The following LRP2 variants were observed in gnomAD, a reference collection of about 807,000 sequenced individuals.
The protein encoded by LRP2 is LDL receptor related protein 2, also known as low-density lipoprotein receptor-related protein 2.
A neutral mutation model predicts 531.0 loss-of-function variants in LRP2; 172 were observed. That is an observed-to-expected ratio of 0.32 (90% CI 0.29 to 0.37). LRP2 has a LOEUF of 0.37. LRP2 is among the 10% of genes least tolerant of loss of function. The pLI is 1.00. For missense variants in LRP2, 5,167 were observed against 5,868.3 expected, an observed-to-expected ratio of 0.88 and a Z score of 3.90; for synonymous variants, 1,992 against 2,027.6, an observed-to-expected ratio of 0.98 and a Z score of 0.47.
At chr2:169,303,222 C>T (rs916868160) in intron 4 of LRP2, among the ~76,000 whole-genome samples, 13 of 151,940 alleles carry the variant, frequency 8.6e-5, no homozygotes, top group African/African-American at 2.4e-4. Flanking sequence ...AAGGTTTAGA[C>T]AATAATATGT....
At position 169,204,040 on chromosome 2, in the gene LRP2, T is replaced by C. The variant is rs757791347; in HGVS notation, c.7947A>G (p.Gln2649=). Residue 2649 remains glutamine (Q), a synonymous_variant, in exon 42 of 79, where the codon CAA becomes CAG. Transcript: ENST00000649046. ...ACTGTTCACAAGGATTGTTACACTG[T>C]TGTTTCTGGTTCTTCACAACAGTGT... ...GINTVVKNQK[Q]QCNNPCEQFN... 5.6e-6 allele frequency: 9 copies of C among 1,614,224 alleles called. No homozygotes were observed. Among genetic ancestry groups the C allele is most frequent in the South Asian group, 3.3e-5 (3 of 91,090 alleles).
chr2:169,215,582 G>T (rs62172631), intron 35 of LRP2, among the ~76,000 whole-genome samples: 1 of 151,126 alleles, frequency 6.6e-6, no homozygotes, highest in Non-Finnish European at 1.5e-5. Flanking sequence ...ACCTTGCTAC[G>T]TAAATAAATA....
chr2:169,181,437 T>C lies in LRP2; in HGVS notation c.10169+11A>G, dbSNP rs1226047411. The C allele has an allele frequency of 1.9e-6, 3 of 1,613,050 alleles. No homozygotes were observed. In the Admixed American group the frequency reaches 5.0e-5, roughly 27 times the overall value. The stretch of plus-strand genomic sequence containing the variant: ...GTTACACAATTGTTTTATGCTTTTC[T>C]ATGTACGTACTCTATGTAACCCAGG... On this transcript the variant is annotated intron_variant, in intron 52 of 78. Coordinates refer to ENST00000649046, the MANE Select transcript of LRP2 (RefSeq NM_004525.3).
intron 1 of LRP2, among the ~76,000 whole-genome samples, chr2:169,361,656 C>A (rs1686168288): frequency 6.6e-6 from 1 of 152,180 alleles, no homozygotes; most frequent in Non-Finnish European, 1.5e-5. Flanking sequence ...TCTGGCCATG[C>A]AGACGGGCCC....
chr2:169,140,539 T>C lies in LRP2; in HGVS notation c.13115A>G (p.Glu4372Gly). ...TGGGGGGGGCAGGTTGATAGGCAGT[T>C]CGATGGCTGCAGGAAGGGAAAGCCA... ...GSTTECDAAI[E>G]LPINLPPPCR... The change falls in exon 72 of 79, where the codon GAA becomes GGA. Residue 4372 changes from glutamate to glycine, a missense_variant. Glu to Gly is a moderately conservative substitution (Grantham distance 98). This residue lies in a region of LRP2 where 348 missense variants were observed against 369.3 expected (regional missense o/e 0.94). Coordinates refer to ENST00000649046, the MANE Select transcript of LRP2 (RefSeq NM_004525.3). 1 of 1,613,288 alleles carries C rather than the reference T, an allele frequency of 6.2e-7. No individual in the cohort carries two copies. Among genetic ancestry groups the C allele is most frequent in the East Asian group, 2.2e-5 (1 of 44,872 alleles).
chr2:169,287,545 G>A (rs1683890605), intron 9 of LRP2, among the ~76,000 whole-genome samples: 2 of 152,088 alleles, frequency 1.3e-5, no homozygotes, highest in East Asian at 3.9e-4. Context: ...CAGTAACGCT[G>A]AGGAGCAGAC....
intron 15 of LRP2, among the ~76,000 whole-genome samples, chr2:169,271,394 A>G (rs1299663076): frequency 6.6e-6 from 1 of 152,028 alleles, no homozygotes; most frequent in African/African-American, 2.4e-5. Flanking sequence ...AATTTATAAA[A>G]TAGGAGATAC....
chr2:169,361,169 G>T (rs1456394274), intron 1 of LRP2, among the ~76,000 whole-genome samples: 2 of 152,026 alleles, frequency 1.3e-5, no homozygotes, highest in Non-Finnish European at 2.9e-5. Context: ...TAGTCCCTGC[G>T]GTGGCAGCAG....
At position 169,151,267 on chromosome 2, in the gene LRP2, C is replaced by T. The variant is rs188860786; in HGVS notation, c.12462-241G>A. ...CCCAACAGCCAAAGCACCTGAATCA[C>T]GCAGGATCCACAATGGAATTAACTC... On this transcript the variant is annotated intron_variant, in intron 67 of 78. Transcript: ENST00000649046. 1.4e-4 allele frequency among the ~76,000 whole-genome samples: 21 copies of T among 152,244 alleles called. No individual in the cohort carries two copies. In the East Asian group the frequency reaches 3.5e-3, roughly 25 times the overall value.
At chr2:169,211,902 T>A in intron 37 of LRP2, 66 bp downstream of exon 37, 1 of 1,604,498 alleles carries the variant, frequency 6.2e-7, no homozygotes. Context: ...AATGTTTTCA[T>A]GGCACCAGGG....
intron 76 of LRP2, among the ~76,000 whole-genome samples, chr2:169,137,117 G>A (rs1480392524): frequency 6.6e-6 from 1 of 152,240 alleles, no homozygotes; most frequent in African/African-American, 2.4e-5. Flanking sequence ...GACCTCTCTT[G>A]CTCTGACACC....
At chr2:169,141,597 A>G (rs1685720646) in intron 71 of LRP2, among the ~76,000 whole-genome samples, 1 of 152,210 alleles carries the variant, frequency 6.6e-6, no homozygotes, top group Non-Finnish European at 1.5e-5. Context: ...AAAGTTCTTT[A>G]AAACAAGAAT....
At chr2:169,248,107 A>G (rs1413778858) in intron 19 of LRP2, among the ~76,000 whole-genome samples, 1 of 150,948 alleles carries the variant, frequency 6.6e-6, no homozygotes, top group Non-Finnish European at 1.5e-5. Context: ...AAATCTCAAC[A>G]CAAGTGTGGA....
chr2:169,279,659 T>C, intron 11 of LRP2, 64 bp from the exon 12 acceptor site: 1 of 1,005,712 alleles, frequency 9.9e-7, no homozygotes, highest in Non-Finnish European at 1.5e-6. Flanking sequence ...TTGTTTTGAT[T>C]TTTTTTAGCT....
chr2:169,181,888 T>A (rs551633201), intron 51 of LRP2, among the ~76,000 whole-genome samples: 1 of 152,266 alleles, frequency 6.6e-6, no homozygotes, highest in African/African-American at 2.4e-5. Context: ...AGTAAAGAAA[T>A]CGGTTTTCTG....
intron 9 of LRP2, among the ~76,000 whole-genome samples, chr2:169,283,810 C>T (rs562032013): frequency 8.5e-4 from 129 of 152,160 alleles, no homozygotes; most frequent in South Asian, 4.8e-3. Context: ...CAGAGAAGTC[C>T]CAGTTCTACT....
Position 169,259,193 on chromosome 2 carries a change from C to G in LRP2, c.2345G>C (p.Arg782Thr). The change falls in exon 17 of 79, where the codon AGG (arginine) becomes ACG (threonine). Residue 782 changes from arginine to threonine, a missense_variant. Transcript: ENST00000649046. ...GTGREILAAN[R>T]VENVESLAFD... is the part of the protein sequence containing the mutation. The stretch of plus-strand genomic sequence containing the variant: ...AGCCAAACTTTCAACATTTTCCACC[C>G]TGTTAGCTGCGAGAATTTCTCTTCC... 1 of 1,613,130 alleles carries G rather than the reference C, an allele frequency of 6.2e-7. No individual in the cohort carries two copies. Among genetic ancestry groups the G allele is most frequent in the African/African-American group, 1.3e-5 (1 of 74,934 alleles).
intron 16 of LRP2, among the ~76,000 whole-genome samples, chr2:169,263,474 A>C (rs1690656946): frequency 6.6e-6 from 1 of 151,376 alleles, no homozygotes; most frequent in African/African-American, 2.4e-5. Flanking sequence ...ACATTTATGC[A>C]GCCAAAAAAC....
intron 1 of LRP2, among the ~76,000 whole-genome samples, chr2:169,338,404 G>GAAAGAAAGAAAGAACGAAAGA (rs1553516032): frequency 9.6e-6 from 1 of 104,606 alleles, no homozygotes; most frequent in Non-Finnish European, 2.0e-5. Flanking sequence ...AAGAAAGAAA[G>GAAAGAAAGAAAGAACGAAAGA]AAAGAAAAGA....
Sources: gnomAD v4.1 joint callset for allele counts (sites outside exome capture counted in the v4.1 genomes callset) on GRCh38, gnomAD v4.1.1 for gene constraint, gnomAD v4.1.1 regional missense constraint, MANE v1.5 for transcripts, NCBI Gene and HGNC (gene_info 2026-07-23, HGNC 2026-07-21) for gene names.